The following NBPF14 variants were observed in gnomAD, a reference collection of about 807,000 sequenced individuals.
NBPF14 encodes the protein NBPF member 14.
In NBPF14, 104 loss-of-function variants were observed where a neutral mutation model predicts 91.2. The ratio of observed to expected loss-of-function variants is 1.14; its 90% CI spans 0.97 to 1.34. The LOEUF (loss-of-function observed/expected upper bound fraction) is 1.34, where lower values mean the gene tolerates loss of function less well. NBPF14 is among the 40% of genes most tolerant of loss of function. NBPF14 has a pLI of 0.00. For synonymous variants in NBPF14, 294 were observed against 303.8 expected (o/e 0.97, Z 0.34); for missense variants, 908 against 783.0 (o/e 1.16, Z -1.91).
exon 15 of NBPF14, chr1:148,577,203 C>G (rs1263025252): frequency 7.6e-6 from 5 of 661,828 alleles, no homozygotes; most frequent in Admixed American, 7.0e-5. Context: ...AACAGCCAAG[C>G]CAACACGCTG....
chr1:148,534,544 C>T, intron 69 of NBPF14, 140 bp downstream of exon 69: 1 of 712,098 alleles, frequency 1.4e-6, no homozygotes, highest in African/African-American at 1.8e-5. Context: ...ACTACAGTTT[C>T]ATTACAACCT....
chr1:148,534,576 C>A, intron 69 of NBPF14, 108 bp downstream of exon 69: 2 of 807,290 alleles, frequency 2.5e-6, no homozygotes, highest in Non-Finnish European at 4.4e-6. Context: ...TAGGTCCTGC[C>A]TGCGGCAATG....
intron 7 of NBPF14, 25 bp from the exon 8 acceptor site, chr1:148,587,428 C>T: frequency 1.9e-6 from 3 of 1,559,424 alleles, no homozygotes; most frequent in South Asian, 1.1e-5. Flanking sequence ...ACACACCTAC[C>T]TCAGTGGAAG....
At chr1:148,539,667 G>C (rs1655554292) in intron 62 of NBPF14, 85 bp from the exon 63 acceptor site, 1 of 151,388 alleles carries the variant, frequency 6.6e-6, no homozygotes, top group East Asian at 1.8e-4. Flanking sequence ...CTAACATAAG[G>C]AACTGTTTAA....
chr1:148,591,105 G>A (rs1348863879), intron 5 of NBPF14, 137 bp from the exon 6 acceptor site: 5 of 737,668 alleles, frequency 6.8e-6, no homozygotes, highest in Non-Finnish European at 1.2e-5. Flanking sequence ...CTTAAAGAGG[G>A]AACAGGCAAT....
rs1157304037 is a variant in NBPF14, at chr1:148,559,591, C to T, written c.4729+202G>A. ...AGGGCGCCACAGGCATGGCCTGAGA[C>T]TAGGAAGAGAGCCTTGCTCACTGAC... is the stretch of plus-strand genomic sequence containing the variant. On this transcript the variant is annotated intron_variant, in intron 37 of 70. Transcript: ENST00000619423. Among the ~76,000 whole-genome samples, 381 of 123,710 alleles carry T rather than the reference C, an allele frequency of 3.1e-3. 17 individuals are homozygous for T. Among genetic ancestry groups the T allele is most frequent in the Middle Eastern group, 0.019 (5 of 270 alleles). 81.2% of individuals were successfully genotyped at this position (123,710 alleles called of 152,430 possible).
chr1:148,572,311 C>T, intron 21 of NBPF14, 132 bp downstream of exon 21: 2 of 224,484 alleles, frequency 8.9e-6, no homozygotes, highest in Non-Finnish European at 1.5e-5. Context: ...TTCATTACAA[C>T]CTATATGCGC....
At chr1:148,568,870 T>TG (rs1258183684) in intron 25 of NBPF14, among the ~76,000 whole-genome samples, 3 of 147,606 alleles carry the variant, frequency 2.0e-5, no homozygotes, top group Non-Finnish European at 4.5e-5. Flanking sequence ...TATTCAGCCC[T>TG]GTCTCATCAA....
intron 6 of NBPF14, among the ~76,000 whole-genome samples, chr1:148,589,934 C>T (rs1662176994): frequency 6.9e-6 from 1 of 145,812 alleles, no homozygotes; most frequent in African/African-American, 2.5e-5. Context: ...GTTTCGCCAT[C>T]TTGGACAGGC....
At chr1:148,559,992 T>A in intron 36 of NBPF14, 27 bp from the exon 37 acceptor site, 7 of 1,042,938 alleles carry the variant, frequency 6.7e-6, no homozygotes, top group South Asian at 1.3e-5. Flanking sequence ...AAGTAAAGAA[T>A]AAGCCAGGGG....
intron 40 of NBPF14, among the ~76,000 whole-genome samples, 197 bp from the exon 41 acceptor site, chr1:148,557,059 G>A (rs1322715627): frequency 8.4e-6 from 1 of 118,554 alleles, no homozygotes; most frequent in South Asian, 3.0e-4. Flanking sequence ...AAGACAGATA[G>A]ACACACACAC....
Position 148,572,331 on chromosome 1 carries a change from C to A in NBPF14, c.2758+112G>T, listed in dbSNP as rs1483684204. On this transcript the variant is annotated intron_variant, in intron 21 of 70. Coordinates refer to ENST00000619423, the Ensembl canonical transcript of NBPF14. The stretch of plus-strand genomic sequence containing the variant: ...TACAACCTATATGCGCCCATAGGTC[C>A]TGCCTGCGGCAATGACGTCTCTCGG... 4.1e-3 allele frequency: 1,095 copies of A among 268,722 alleles called. 136 individuals are homozygous for A. In the Admixed American group the frequency reaches 0.068, roughly 17 times the overall value. The allele number at this position is 268,722 out of a possible 1,614,324, so 16.6% of individuals were successfully genotyped here.
At chr1:148,585,913 A>G (rs1355164408) in intron 9 of NBPF14, among the ~76,000 whole-genome samples, 2 of 149,934 alleles carry the variant, frequency 1.3e-5, no homozygotes, top group Admixed American at 6.6e-5. Flanking sequence ...CATTGCCGAA[A>G]AGACAGCCTG....
chr1:148,535,287 G>A (rs1195198340), intron 68 of NBPF14, among the ~76,000 whole-genome samples, 166 bp downstream of exon 68: 2 of 149,906 alleles, frequency 1.3e-5, no homozygotes, highest in Non-Finnish European at 2.9e-5. Context: ...AGGGGAGGAA[G>A]AAATGGAAAC....
At chr1:148,591,159 G>A (rs1662401903) in intron 5 of NBPF14, among the ~76,000 whole-genome samples, 191 bp from the exon 6 acceptor site, 1 of 146,862 alleles carries the variant, frequency 6.8e-6, no homozygotes, top group Admixed American at 6.8e-5. Flanking sequence ...GGGAGCCAGA[G>A]AGGAAGAGAG....
chr1:148,586,364 C>A, exon 9 of NBPF14: 1 of 1,177,944 alleles, frequency 8.5e-7, no homozygotes, highest in Non-Finnish European at 1.3e-6. Context: ...TGAGGAGGGC[C>A]TGGAGATGCT....
intron 13 of NBPF14, 62 bp from the exon 14 acceptor site, chr1:148,578,096 C>T: frequency 3.1e-6 from 2 of 652,450 alleles, no homozygotes; most frequent in Non-Finnish European, 5.4e-6. Flanking sequence ...AGAAACATTC[C>T]TCTGTCCAAT....
chr1:148,539,570 C>T, exon 63 of NBPF14: 2 of 255,370 alleles, frequency 7.8e-6, no homozygotes, highest in Non-Finnish European at 1.3e-5. Flanking sequence ...CATCCAGCAG[C>T]TCCCTGCTGA....
rs1239566934 is a variant in NBPF14, at chr1:148,593,400, A to C, written c.278+198T>G. On this transcript the variant is annotated intron_variant, in intron 3 of 70. Coordinates refer to ENST00000619423, the Ensembl canonical transcript of NBPF14. ...ATTACTTGTTTGAAAAAGAGAAAAC[A>C]AGGCTCTAAGAAACAACTGCAACAG... is the stretch of plus-strand genomic sequence containing the variant. Among the ~76,000 whole-genome samples, 3 of 148,410 alleles carry C rather than the reference A, an allele frequency of 2.0e-5. 1 individual carries two copies. The highest frequency in any genetic ancestry group is 4.5e-5 in the Non-Finnish European group (3 of 66,328).
Sources: gnomAD v4.1 joint callset for allele counts (sites outside exome capture counted in the v4.1 genomes callset) on GRCh38, gnomAD v4.1.1 for gene constraint, MANE v1.5 for transcripts, NCBI Gene and HGNC (gene_info 2026-07-23, HGNC 2026-07-21) for gene names.